MAGI2: variants seen among roughly 807,000 people sequenced by gnomAD.
MAGI2 encodes the protein membrane associated guanylate kinase, WW and PDZ domain containing 2.
A neutral mutation model predicts 133.3 loss-of-function variants in MAGI2; 35 were observed. The observed-to-expected ratio is 0.26, with a 90% confidence interval of 0.20 to 0.35. The LOEUF is 0.35. Among genes scored for constraint, MAGI2 ranks in the 10% least tolerant of loss-of-function variants. MAGI2 has a pLI of 1.00. For synonymous variants in MAGI2, 729 were observed against 710.6 expected (o/e 1.03, Z -0.41); for missense variants, 1,636 against 1,863.4 (o/e 0.88, Z 2.25).
At chr7:78,342,930 C>A (rs756056000) in intron 9 of MAGI2, among the ~76,000 whole-genome samples, 1 of 152,180 alleles carries the variant, frequency 6.6e-6, no homozygotes, top group Non-Finnish European at 1.5e-5. Context: ...GCTCGTTCTG[C>A]ACATGTACCC....
At chr7:78,359,530 C>T (rs1236292920) in intron 7 of MAGI2, 1 of 152,154 alleles carries the variant, frequency 6.6e-6, no homozygotes, top group East Asian at 1.9e-4. Flanking sequence ...ATGTTAATAT[C>T]AGCCCTCATG....
chr7:79,331,362 A>T (rs893781190), intron 1 of MAGI2, among the ~76,000 whole-genome samples: 1 of 152,300 alleles, frequency 6.6e-6, no homozygotes, highest in Non-Finnish European at 1.5e-5. Flanking sequence ...TCAACCTCAG[A>T]TACTAGTAAT....
intron 2 of MAGI2, among the ~76,000 whole-genome samples, chr7:78,976,686 T>A (rs1174532020): frequency 7.0e-6 from 1 of 142,982 alleles, no homozygotes; most frequent in Non-Finnish European, 1.5e-5. Context: ...TGACTTTTTT[T>A]AAAATGTAGA....
intron 1 of MAGI2, among the ~76,000 whole-genome samples, chr7:79,106,614 C>T (rs1205963762): frequency 6.6e-6 from 1 of 152,064 alleles, no homozygotes; most frequent in South Asian, 2.1e-4. Context: ...GTAGCAATCC[C>T]AACAGTCCCT....
At chr7:78,096,489 C>T (rs1002587468) in intron 20 of MAGI2, among the ~76,000 whole-genome samples, 3 of 152,100 alleles carry the variant, frequency 2.0e-5, no homozygotes, top group Non-Finnish European at 4.4e-5. Context: ...TTCAAACTTA[C>T]CTAAAACCTG....
At chr7:78,949,001 A>C (rs569109892) in intron 2 of MAGI2, among the ~76,000 whole-genome samples, 4 of 152,238 alleles carry the variant, frequency 2.6e-5, no homozygotes, top group African/African-American at 9.6e-5. Flanking sequence ...TCACAAAGAA[A>C]GTTCAGAAAA....
At chr7:79,372,789 T>C (rs1390096959) in intron 1 of MAGI2, among the ~76,000 whole-genome samples, 1 of 152,022 alleles carries the variant, frequency 6.6e-6, no homozygotes, top group East Asian at 1.9e-4. Context: ...TACTGTTTAG[T>C]CAAGACTCAA....
chr7:79,291,435 G>A (rs1188517373), intron 1 of MAGI2, among the ~76,000 whole-genome samples: 1 of 152,084 alleles, frequency 6.6e-6, no homozygotes, highest in Non-Finnish European at 1.5e-5. Context: ...ATACCTAAGA[G>A]TGGAATTACT....
intron 2 of MAGI2, among the ~76,000 whole-genome samples, chr7:78,995,929 A>G (rs1277770727): frequency 6.6e-6 from 1 of 152,122 alleles, no homozygotes; most frequent in Non-Finnish European, 1.5e-5. Flanking sequence ...AATTTCCCAC[A>G]TGTCTTCAAA....
intron 1 of MAGI2, among the ~76,000 whole-genome samples, chr7:79,296,992 C>T (rs1287558325): frequency 1.5e-5 from 1 of 66,854 alleles, no homozygotes; most frequent in Non-Finnish European, 2.9e-5. Flanking sequence ...CACACCATAC[C>T]CCATAAATAT....
chr7:78,656,483 T>C (rs561078156), intron 2 of MAGI2, among the ~76,000 whole-genome samples: 1 of 152,160 alleles, frequency 6.6e-6, no homozygotes, highest in Non-Finnish European at 1.5e-5. Context: ...AAAAGTCTAA[T>C]ACACAGAAAC....
At chr7:79,038,053 T>C (rs1286284324) in intron 1 of MAGI2, among the ~76,000 whole-genome samples, 2 of 152,232 alleles carry the variant, frequency 1.3e-5, no homozygotes, top group Admixed American at 1.3e-4. Context: ...TAGAAGTTTC[T>C]CTTTTTGTGA....
At chr7:79,115,273 A>T (rs1186291691) in intron 1 of MAGI2, among the ~76,000 whole-genome samples, 1 of 152,248 alleles carries the variant, frequency 6.6e-6, no homozygotes, top group African/African-American at 2.4e-5. Flanking sequence ...CACAGGTAGA[A>T]TTCAAACTGG....
chr7:78,507,844 G>C (rs889907776), intron 4 of MAGI2, among the ~76,000 whole-genome samples: 1 of 152,176 alleles, frequency 6.6e-6, no homozygotes, highest in African/African-American at 2.4e-5. Context: ...TACAGTCAAG[G>C]AGAATGTGGT....
chr7:79,222,758 C>T (rs887520163), intron 1 of MAGI2, among the ~76,000 whole-genome samples: 2 of 151,948 alleles, frequency 1.3e-5, no homozygotes, highest in African/African-American at 2.4e-5. Flanking sequence ...GATAAACATT[C>T]CAGTTTCATT....
At chr7:79,103,241 A>C (rs2129543391) in intron 1 of MAGI2, among the ~76,000 whole-genome samples, 1 of 152,360 alleles carries the variant, frequency 6.6e-6, no homozygotes, top group Middle Eastern at 3.4e-3. Context: ...GGCATTTAAA[A>C]ATGAAGAAGC....
At chr7:79,061,686 A>G (rs2117074354) in intron 1 of MAGI2, among the ~76,000 whole-genome samples, 1 of 152,248 alleles carries the variant, frequency 6.6e-6, no homozygotes, top group Non-Finnish European at 1.5e-5. Flanking sequence ...ATAACAGTAG[A>G]TCGAAAATGA....
chr7:79,236,252 T>G (rs1029448494), intron 1 of MAGI2, among the ~76,000 whole-genome samples: 4 of 152,232 alleles, frequency 2.6e-5, no homozygotes, highest in Non-Finnish European at 5.9e-5. Flanking sequence ...AGAATTAATA[T>G]GTTAATGGGT....
chr7:78,256,071 A>G lies in MAGI2; in HGVS notation c.1919T>C (p.Leu640Pro). ...QILDIQGCPG[L>P]CEGDLIVEIN... ...CTCAACAATGAGGTCGCCTTCACAC[A>G]GGCCAGGGCATCCCTGAATGTCAAG... Residue 640 changes from leucine to proline, a missense_variant, in exon 10 of 22, where the codon CTG (leucine) becomes CCG (proline). Physicochemically the swap from Leu to Pro is moderately conservative, Grantham distance 98. Around this residue, in one of 5 missense-constraint regions of MAGI2, gnomAD observed 920 missense variants for 1,093.5 expected, o/e 0.84. Transcript: ENST00000354212. 1 of 1,613,684 alleles carries G rather than the reference A, an allele frequency of 6.2e-7. No homozygotes were observed. Among genetic ancestry groups the G allele is most frequent in the Non-Finnish European group, 8.5e-7 (1 of 1,179,892 alleles).
Sources: gnomAD v4.1 joint callset for allele counts (sites outside exome capture counted in the v4.1 genomes callset) on GRCh38, gnomAD v4.1.1 for gene constraint, gnomAD v4.1.1 regional missense constraint, MANE v1.5 for transcripts, NCBI Gene and HGNC (gene_info 2026-07-23, HGNC 2026-07-21) for gene names.